HDAC7: variants seen among roughly 807,000 people sequenced by gnomAD.
HDAC7 encodes histone deacetylase 7.
Under a neutral mutation model 115.5 loss-of-function variants are expected in HDAC7, and 26 were observed. That is an observed-to-expected ratio of 0.23 (90% confidence interval 0.16 to 0.31). The LOEUF (loss-of-function observed/expected upper bound fraction) is 0.31, where lower values mean the gene tolerates loss of function less well. HDAC7 is among the 10% of genes least tolerant of loss of function. The probability of loss-of-function intolerance (pLI) is 1.00; values close to 1 mark genes in which losing one functional copy is unlikely to be tolerated. For missense variants in HDAC7, 1,068 were observed against 1,329.0 expected, an observed-to-expected ratio of 0.80 and a Z score of 3.05; for synonymous variants, 564 against 550.9, an observed-to-expected ratio of 1.02 and a Z score of -0.33.
chr12:47,797,069 T>C lies in HDAC7; in HGVS notation c.651A>G (p.Arg217=), dbSNP rs146388697. Residue 217 remains arginine (R), a synonymous_variant, in exon 7 of 26, where the codon CGA becomes CGG. Coordinates refer to ENST00000080059, the MANE Select transcript of HDAC7 (RefSeq NM_015401.5). The surrounding 1 kb of genome is among the most constrained non-coding windows in gnomAD (Gnocchi z 5.5). ...SLERRKNPLL[R]KESAPPSLRR... ...GGAGGCTGGGGGGCGCACTCTCCTT[T>C]CGGAGCAGTGGATTCTTCCTCCGCT... The C allele has an allele frequency of 5.6e-6, 9 of 1,606,942 alleles. No individual in the cohort carries two copies. Among genetic ancestry groups the C allele is most frequent in the Non-Finnish European group, 7.6e-6 (9 of 1,176,872 alleles).
chr12:47,813,188 C>G (rs1218923211), intron 1 of HDAC7: 1 of 152,188 alleles, frequency 6.6e-6, no homozygotes, highest in African/African-American at 2.4e-5. Flanking sequence ...GGGCTCCCCC[C>G]TTCACCTCCC....
At chr12:47,789,401 C>T (rs1943358122) in intron 18 of HDAC7, 53 bp from the exon 19 acceptor site, 1 of 1,577,668 alleles carries the variant, frequency 6.3e-7, no homozygotes, top group East Asian at 2.2e-5. Context: ...GCCCTCACCT[C>T]CCCAGGCCCC....
Position 47,793,349 on chromosome 12 carries a change from C to CCCCCCCA in HDAC7, c.1678+19_1678+20insTGGGGGG. Reference sequence around the variant, plus strand: ...CAGCCGAGCCCCTCCCTCCACCCGCCACCCTCCTCCCGGTCTCACCTGTGG... The same window carrying CCCCCCCA: ...CAGCCGAGCCCCTCCCTCCACCCGCCCCCCCCAACCCTCCTCCCGGTCTCACCTGTGG... On this transcript the variant is annotated intron_variant, in intron 13 of 25. Coordinates refer to ENST00000080059, the MANE Select transcript of HDAC7 (RefSeq NM_015401.5). The surrounding 1 kb of genome is among the most constrained non-coding windows in gnomAD (Gnocchi z 4.5). 6.8e-7 allele frequency: 1 copy of CCCCCCCA among 1,467,634 alleles called. No homozygotes were observed. The highest frequency in any genetic ancestry group is 9.2e-7 in the Non-Finnish European group (1 of 1,092,758). The allele number at this position is 1,467,634 out of a possible 1,614,324, so 90.9% of individuals were successfully genotyped here.
intron 24 of HDAC7, 29 bp downstream of exon 24, chr12:47,785,358 C>G: frequency 6.4e-7 from 1 of 1,573,236 alleles, no homozygotes; most frequent in Admixed American, 1.8e-5. Context: ...TCAGTCTGAG[C>G]TCAGCGAGTG....
intron 1 of HDAC7, among the ~76,000 whole-genome samples, chr12:47,818,909 G>C (rs1433466345): frequency 6.6e-6 from 1 of 152,216 alleles, no homozygotes; most frequent in Non-Finnish European, 1.5e-5. Flanking sequence ...TGGGTGGCCT[G>C]CGGGCCCCAG....
At position 47,798,804 on chromosome 12, in the gene HDAC7, C is replaced by T. The variant is rs778723878; in HGVS notation, c.239G>A (p.Arg80His). ...CTTTACCCTCATGGGCTCCACCGAG[C>T]GCTGCTGCTGCAGGCCTGCTAGGAA... The part of the protein sequence containing the change: ...HLFLAGLQQQ[R>H]SVEPMRLSMD... Residue 80 changes from arginine to histidine, a missense_variant, in exon 3 of 26, where the codon CGC becomes CAC. Around this residue, in one of 6 missense-constraint regions of HDAC7, gnomAD observed 161 missense variants for 158.5 expected, o/e 1.02. Coordinates refer to ENST00000080059, the MANE Select transcript of HDAC7 (RefSeq NM_015401.5). This position sits in a 1 kb window ranked among gnomAD's most constrained non-coding sequence, Gnocchi z 4.3. The T allele has an allele frequency of 9.6e-6, 15 of 1,557,264 alleles. No individual in the cohort carries two copies. The highest frequency in any genetic ancestry group is 3.5e-5 in the South Asian group (3 of 84,540).
At chr12:47,807,768 C>G (rs1944465547) in intron 1 of HDAC7, among the ~76,000 whole-genome samples, 1 of 152,176 alleles carries the variant, frequency 6.6e-6, no homozygotes, top group Admixed American at 6.6e-5. Context: ...TCATTTGGAG[C>G]AACTGTTGAC....
chr12:47,797,020 C>T lies in HDAC7; in HGVS notation c.700G>A (p.Gly234Arg), dbSNP rs1276794668. 2.6e-6 allele frequency: 4 copies of T among 1,556,566 alleles called. No homozygotes were observed. Among genetic ancestry groups the T allele is most frequent in the South Asian group, 1.2e-5 (1 of 80,992 alleles). ...CACTGGCTCAGCCGGCCCTCACCTC[C>T]GAGGGTCTCTGCGGGCCGCCGCCGG... is the stretch of plus-strand genomic sequence containing the variant. ...SLRRRPAETL[G>R]DSSPSSSSTP... The change falls in exon 7 of 26, where the codon GGA becomes AGA. Residue 234 changes from glycine to arginine, a missense_variant. Physicochemically the swap from Gly to Arg is moderately radical, Grantham distance 125 (BLOSUM62 -2). Around this residue, in one of 6 missense-constraint regions of HDAC7, gnomAD observed 618 missense variants for 701.5 expected, o/e 0.88. Transcript: ENST00000080059. The surrounding 1 kb of genome is among the most constrained non-coding windows in gnomAD (Gnocchi z 5.5).
At chr12:47,786,323 G>T (rs2136907343) in intron 22 of HDAC7, among the ~76,000 whole-genome samples, 1 of 152,222 alleles carries the variant, frequency 6.6e-6, no homozygotes, top group East Asian at 1.9e-4. Flanking sequence ...TGAGCTTCCT[G>T]CCTACTGGAC....
At chr12:47,796,913 G>A (rs1266654103) in intron 7 of HDAC7, 104 bp downstream of exon 7, 2 of 1,314,646 alleles carry the variant, frequency 1.5e-6, no homozygotes, top group Non-Finnish European at 2.0e-6. Flanking sequence ...AACCACGCAT[G>A]GCAGTCCTAA....
Position 47,793,635 on chromosome 12 carries a change from T to C in HDAC7, c.1459-47A>G, listed in dbSNP as rs1227231368. The C allele has an allele frequency of 5.0e-6, 7 of 1,401,612 alleles. No homozygotes were observed. Among genetic ancestry groups the C allele is most frequent in the Non-Finnish European group, 5.8e-6 (6 of 1,042,200 alleles). The allele number at this position is 1,401,612 out of a possible 1,614,324, so 86.8% of individuals were successfully genotyped here. ...GGTCTCCAGTGTTTCAGGGTCCTGC[T>C]CCCTCTACTTCTGCCTGAGGTCTTG... On this transcript the variant is annotated intron_variant, in intron 12 of 25. Coordinates refer to ENST00000080059, the MANE Select transcript of HDAC7 (RefSeq NM_015401.5). This position sits in a 1 kb window ranked among gnomAD's most constrained non-coding sequence, Gnocchi z 4.5.
chr12:47,799,842 CT>C (rs1944076741), intron 2 of HDAC7, among the ~76,000 whole-genome samples: 1 of 152,212 alleles, frequency 6.6e-6, no homozygotes, highest in Non-Finnish European at 1.5e-5. Flanking sequence ...GGCTGAGACA[CT>C]GGGAGACGGA....
Position 47,798,486 on chromosome 12 carries a change from C to T in HDAC7, c.349+76G>A. On this transcript the variant is annotated intron_variant, in intron 4 of 25. Transcript: ENST00000080059. The surrounding 1 kb of genome is among the most constrained non-coding windows in gnomAD (Gnocchi z 4.3). Reference sequence around the variant, plus strand: ...GCTGGCTGCGGCCCTCCCACCTCACCCCTCACAAGCCACACAGGCAGCCGC... The same window carrying T: ...GCTGGCTGCGGCCCTCCCACCTCACTCCTCACAAGCCACACAGGCAGCCGC... The T allele has an allele frequency of 7.3e-7, 1 of 1,361,362 alleles. No individual in the cohort carries two copies. The highest frequency in any genetic ancestry group is 1.0e-6 in the Non-Finnish European group (1 of 959,234). 84.3% of individuals were successfully genotyped at this position (1,361,362 alleles called of 1,614,324 possible). A position where few individuals can be genotyped will look rare whatever the true frequency, so the allele number is the denominator to read the frequency against.
At chr12:47,809,507 T>C (rs548042257) in intron 1 of HDAC7, among the ~76,000 whole-genome samples, 1 of 152,344 alleles carries the variant, frequency 6.6e-6, no homozygotes, top group South Asian at 2.1e-4. Flanking sequence ...GCTTACTGTG[T>C]GCTGGCTATT....
chr12:47,791,387 CA>C, intron 15 of HDAC7, 79 bp from the exon 16 acceptor site: 1 of 1,434,962 alleles, frequency 7.0e-7, no homozygotes, highest in Non-Finnish European at 9.4e-7. Context: ...GCCCAGAGAG[CA>C]GGGCCGGGTG....
In HDAC7 at chr12:47,784,114, C is replaced by A. The variant is rs778312600; in HGVS notation, c.2895G>T (p.Leu965=). Residue 965 remains leucine (L), a synonymous_variant, in exon 25 of 26, where the codon CTG becomes CTT. Transcript: ENST00000080059. ...CCAGGATGCCCACAGAGAGGGACGC[C>A]AGTGCGGTCACTGCCTCCACTTCTT... The part of the protein sequence containing the change: ...DKEEVEAVTA[L]ASLSVGILAE... 7 of 1,613,836 alleles carry A rather than the reference C, an allele frequency of 4.3e-6. No homozygotes were observed. In the Admixed American group the frequency reaches 1.2e-4, roughly 27 times the overall value.
intron 2 of HDAC7, among the ~76,000 whole-genome samples, chr12:47,800,477 G>A (rs1352050113): frequency 6.6e-6 from 1 of 152,214 alleles, no homozygotes; most frequent in Non-Finnish European, 1.5e-5. Context: ...CGAATATCAA[G>A]AGGCCTGGAG....
intron 1 of HDAC7, among the ~76,000 whole-genome samples, chr12:47,815,327 GCA>G (rs146054294): frequency 1.3e-5 from 2 of 151,566 alleles, no homozygotes; most frequent in African/African-American, 2.4e-5. Flanking sequence ...GAGCACACAT[GCA>G]CACACACACA....
At chr12:47,801,328 A>G (rs1172941349) in intron 2 of HDAC7, among the ~76,000 whole-genome samples, 1 of 152,252 alleles carries the variant, frequency 6.6e-6, no homozygotes, top group Non-Finnish European at 1.5e-5. Context: ...CAAACATAGA[A>G]TCAATGAATA....
Sources: allele counts gnomAD v4.1 joint callset (sites outside exome capture counted in the v4.1 genomes callset), GRCh38; gene constraint gnomAD v4.1.1; regional missense constraint gnomAD v4.1.1; non-coding constraint Gnocchi (gnomAD v3.1); transcripts MANE v1.5; gene names NCBI Gene and HGNC (gene_info 2026-07-23, HGNC 2026-07-21).